Variants in TBC1D22A observed in about 807,000 individuals in gnomAD.
TBC1D22A encodes the protein TBC1 domain family member 22A.
A neutral mutation model predicts 60.2 loss-of-function variants in TBC1D22A; 38 were observed. That is an observed-to-expected ratio of 0.63 (90% CI 0.49 to 0.83). The LOEUF (loss-of-function observed/expected upper bound fraction) is 0.83. Ranked by LOEUF, TBC1D22A falls within the 40% of genes least tolerant of loss-of-function variation. The pLI is 0.00. For synonymous variants in TBC1D22A, 302 were observed against 281.7 expected (o/e 1.07, Z -0.72); for missense variants, 628 against 701.0 (o/e 0.90, Z 1.18).
At chr22:46,965,732 CCCGT>C (rs1455285066) in intron 8 of TBC1D22A, among the ~76,000 whole-genome samples, 2 of 152,346 alleles carry the variant, frequency 1.3e-5, no homozygotes, top group East Asian at 3.9e-4. Flanking sequence ...TCTGCCTCAT[CCCGT>C]CCCTGTGGCC....
intron 12 of TBC1D22A, chr22:47,116,530 G>A (rs2066063588): frequency 6.6e-6 from 1 of 152,400 alleles, no homozygotes; most frequent in Non-Finnish European, 1.5e-5. Flanking sequence ...TGGGAGGCTG[G>A]TGCAGGCGGC....
At chr22:47,050,537 C>T (rs1474834440) in intron 11 of TBC1D22A, among the ~76,000 whole-genome samples, 4 of 152,218 alleles carry the variant, frequency 2.6e-5, no homozygotes, top group African/African-American at 4.8e-5. Context: ...TGAGAGCATC[C>T]GTTCAGAGTG....
At chr22:47,166,806 C>T (rs2068226130) in intron 12 of TBC1D22A, among the ~76,000 whole-genome samples, 1 of 152,258 alleles carries the variant, frequency 6.6e-6, no homozygotes, top group Non-Finnish European at 1.5e-5. Flanking sequence ...GGGCCTGGAC[C>T]TCAGGCCCAT....
chr22:46,858,464 C>G (rs554033408), intron 4 of TBC1D22A, among the ~76,000 whole-genome samples: 1 of 152,024 alleles, frequency 6.6e-6, no homozygotes, highest in Non-Finnish European at 1.5e-5. Flanking sequence ...GGCAAACACC[C>G]CCCCCAGCTC....
At chr22:47,099,964 A>T (rs553279011) in intron 11 of TBC1D22A, among the ~76,000 whole-genome samples, 88 of 152,226 alleles carry the variant, frequency 5.8e-4, no homozygotes, top group Non-Finnish European at 9.4e-4. Flanking sequence ...CTCGAGCACC[A>T]GAGAAACGAG....
chr22:47,132,296 T>C (rs184190704), intron 12 of TBC1D22A, among the ~76,000 whole-genome samples: 7 of 152,318 alleles, frequency 4.6e-5, no homozygotes, highest in Non-Finnish European at 1.0e-4. Context: ...CACCCCGTTC[T>C]TCTGGGACTG....
intron 4 of TBC1D22A, among the ~76,000 whole-genome samples, chr22:46,806,662 G>A (rs1028375326): frequency 2.0e-5 from 3 of 152,076 alleles, no homozygotes; most frequent in African/African-American, 7.2e-5. Flanking sequence ...GCTAAAAAAG[G>A]ATATAAAATG....
intron 4 of TBC1D22A, among the ~76,000 whole-genome samples, chr22:46,874,051 C>T (rs915697523): frequency 5.3e-5 from 8 of 152,152 alleles, no homozygotes; most frequent in Admixed American, 1.3e-4. Flanking sequence ...ACCTCGTGAT[C>T]GGCCTGCCTC....
chr22:46,966,168 G>T (rs1029291837), intron 8 of TBC1D22A, among the ~76,000 whole-genome samples: 1 of 152,100 alleles, frequency 6.6e-6, no homozygotes, highest in Non-Finnish European at 1.5e-5. Context: ...CATCACCTGC[G>T]CTCTATCCGA....
chr22:46,880,151 G>A (rs1042280437), intron 5 of TBC1D22A, among the ~76,000 whole-genome samples: 9 of 152,230 alleles, frequency 5.9e-5, no homozygotes, highest in East Asian at 1.9e-4. Context: ...AGATCCTGAC[G>A]ACATGTGCCC....
intron 12 of TBC1D22A, among the ~76,000 whole-genome samples, chr22:47,166,676 C>A (rs892489188): frequency 6.6e-6 from 1 of 152,278 alleles, no homozygotes; most frequent in Non-Finnish European, 1.5e-5. Flanking sequence ...TACATGTACG[C>A]CCTGCAGGGC....
intron 12 of TBC1D22A, among the ~76,000 whole-genome samples, chr22:47,171,995 C>T (rs1395460096): frequency 6.6e-6 from 1 of 151,132 alleles, no homozygotes; most frequent in East Asian, 1.9e-4. Context: ...CCCAGTGCGC[C>T]CGGTGAGCCC....
At chr22:46,910,210 A>T (rs2069813311) in intron 7 of TBC1D22A, among the ~76,000 whole-genome samples, 1 of 152,034 alleles carries the variant, frequency 6.6e-6, no homozygotes, top group Non-Finnish European at 1.5e-5. Flanking sequence ...TCTGTTACTC[A>T]CCTGAACAGC....
intron 10 of TBC1D22A, among the ~76,000 whole-genome samples, chr22:47,001,054 G>A (rs755292867): frequency 1.2e-4 from 18 of 152,030 alleles, no homozygotes; most frequent in African/African-American, 4.3e-4. Flanking sequence ...CATCCAACCC[G>A]ATTAGTCAGG....
At chr22:46,894,675 G>C in intron 6 of TBC1D22A, 109 bp from the exon 7 acceptor site, 2 of 1,271,458 alleles carry the variant, frequency 1.6e-6, no homozygotes, top group Non-Finnish European at 2.3e-6. Flanking sequence ...GGAGAGAGCG[G>C]GGTAGAGGCC....
chr22:46,770,932 A>G (rs940670433), intron 1 of TBC1D22A, among the ~76,000 whole-genome samples: 1 of 152,080 alleles, frequency 6.6e-6, no homozygotes, highest in African/African-American at 2.4e-5. Flanking sequence ...GTGAGTGGAG[A>G]TGACCTTCCT....
chr22:47,037,009 G>C lies in TBC1D22A; in HGVS notation c.1202-62G>C, dbSNP rs183339268. On this transcript the variant is annotated intron_variant, in intron 10 of 12. Transcript: ENST00000337137. ...CAGGCCCTTGGGGGACAAGTGACCTGGCTGCCAGTGCCTCCATAGGGCTCC... is the reference window on the plus strand; with the variant it reads ...CAGGCCCTTGGGGGACAAGTGACCTCGCTGCCAGTGCCTCCATAGGGCTCC... 5.0e-6 allele frequency: 8 copies of C among 1,602,998 alleles called. No homozygotes were observed. In the East Asian group the frequency reaches 1.8e-4, roughly 36 times the overall value.
chr22:47,072,740 G>A (rs1269909238), intron 11 of TBC1D22A, among the ~76,000 whole-genome samples: 2 of 152,372 alleles, frequency 1.3e-5, no homozygotes, highest in Non-Finnish European at 2.9e-5. Context: ...GTCCTGTCGG[G>A]CACACTTGTG....
chr22:46,939,107 A>G (rs1038767655), intron 8 of TBC1D22A, among the ~76,000 whole-genome samples: 1 of 146,024 alleles, frequency 6.8e-6, no homozygotes, highest in African/African-American at 2.6e-5. Flanking sequence ...TTCATTAAGC[A>G]CAGAGAATTT....
Sources: gnomAD v4.1 joint callset for allele counts (sites outside exome capture counted in the v4.1 genomes callset) on GRCh38, gnomAD v4.1.1 for gene constraint, MANE v1.5 for transcripts, NCBI Gene and HGNC (gene_info 2026-07-23, HGNC 2026-07-21) for gene names.